The following CHRNA7 variants were observed in gnomAD, a reference collection of about 807,000 sequenced individuals.
The protein encoded by CHRNA7 is neuronal acetylcholine receptor subunit alpha-7.
A neutral mutation model predicts 48.0 loss-of-function variants in CHRNA7; 17 were observed. The observed-to-expected ratio is 0.35, with a 90% CI of 0.24 to 0.53. The LOEUF is 0.53. Among genes scored for constraint, CHRNA7 ranks in the 20% least tolerant of loss-of-function variants. The pLI, the probability that CHRNA7 is intolerant of heterozygous loss-of-function variation, is 0.92. For missense variants in CHRNA7, 155 were observed against 577.7 expected (o/e 0.27, Z 7.50); for synonymous variants, 75 against 242.3 (o/e 0.31, Z 6.41).
intron 2 of CHRNA7, among the ~76,000 whole-genome samples, chr15:32,074,637 A>ATATTAATATTAT (rs2050107861): frequency 7.1e-6 from 1 of 141,770 alleles, no homozygotes; most frequent in African/African-American, 2.6e-5. Flanking sequence ...CACATTATTA[A>ATATTAATATTAT]TATTATTATT....
chr15:32,094,516 A>G (rs2050434261), intron 2 of CHRNA7, among the ~76,000 whole-genome samples: 1 of 152,194 alleles, frequency 6.6e-6, no homozygotes, highest in Non-Finnish European at 1.5e-5. Context: ...GCCACCCCTA[A>G]AAATAGGCAG....
chr15:32,082,318 C>T (rs1382890493), intron 2 of CHRNA7, among the ~76,000 whole-genome samples: 1 of 143,728 alleles, frequency 7.0e-6, no homozygotes, highest in African/African-American at 2.5e-5. Context: ...TTATCTAGGA[C>T]TCCAATTATA....
intron 4 of CHRNA7, among the ~76,000 whole-genome samples, chr15:32,131,045 G>T (rs926698279): frequency 1.3e-5 from 2 of 151,886 alleles, no homozygotes; most frequent in African/African-American, 4.8e-5. Flanking sequence ...TAAATTTGTT[G>T]TTGTTGTTTA....
intron 2 of CHRNA7, among the ~76,000 whole-genome samples, chr15:32,074,900 C>T (rs944281068): frequency 6.6e-6 from 1 of 152,082 alleles, no homozygotes. Context: ...CCACCCACCT[C>T]GGCCTCCCAA....
intron 2 of CHRNA7, among the ~76,000 whole-genome samples, chr15:32,042,763 A>G (rs969858553): frequency 6.6e-6 from 1 of 152,202 alleles, no homozygotes; most frequent in African/African-American, 2.4e-5. Context: ...TTGGGCTCCA[A>G]GAAGAGCTGT....
At chr15:32,100,576 T>G (rs1472399103) in intron 2 of CHRNA7, 1 of 154,632 alleles carries the variant, frequency 6.5e-6, no homozygotes, top group African/African-American at 2.4e-5. Flanking sequence ...TAGGCTTAGC[T>G]GGAGGCAGAA....
intron 4 of CHRNA7, among the ~76,000 whole-genome samples, chr15:32,130,219 TC>T (rs1214628334): frequency 1.3e-5 from 2 of 152,016 alleles, no homozygotes; most frequent in African/African-American, 2.4e-5. Context: ...TTCTTTTATA[TC>T]CTTGCTGATT....
chr15:32,095,167 G>GCAGCT (rs1444636781), intron 2 of CHRNA7, among the ~76,000 whole-genome samples: 3 of 152,194 alleles, frequency 2.0e-5, no homozygotes, highest in African/African-American at 7.2e-5. Flanking sequence ...CAGACCCTGA[G>GCAGCT]CAATCCCAAA....
chr15:32,131,911 G>A (rs1212069078), intron 4 of CHRNA7, among the ~76,000 whole-genome samples: 2 of 152,140 alleles, frequency 1.3e-5, no homozygotes, highest in Non-Finnish European at 2.9e-5. Flanking sequence ...ACACCTGGGA[G>A]GGATGGGGAC....
intron 2 of CHRNA7, among the ~76,000 whole-genome samples, chr15:32,048,278 C>T (rs1046928582): frequency 9.9e-5 from 15 of 152,224 alleles, no homozygotes; most frequent in African/African-American, 2.6e-4. Context: ...TGGTAGAATT[C>T]GGCTGTGAAT....
intron 2 of CHRNA7, among the ~76,000 whole-genome samples, chr15:32,049,025 G>GTCTGAAAGACAGTTTGTTGTAATT (rs1457140245): frequency 9.8e-6 from 1 of 102,040 alleles, no homozygotes; most frequent in African/African-American, 5.5e-5. Flanking sequence ...TTGCACTGTG[G>GTCTGAAAGACAGTTTGTTGTAATT]TCTGTTCTTT....
At chr15:32,104,230 A>G (rs2050622555) in intron 3 of CHRNA7, among the ~76,000 whole-genome samples, 1 of 150,136 alleles carries the variant, frequency 6.7e-6, no homozygotes, top group Non-Finnish European at 1.5e-5. Flanking sequence ...GGCTGCACTC[A>G]CTGTCCACTT....
At position 32,043,613 on chromosome 15, in the gene CHRNA7, A is replaced by G. The variant is rs1191710967; in HGVS notation, c.195+12576A>G. Among the ~76,000 whole-genome samples the G allele has an allele frequency of 4.6e-5, 7 of 152,172 alleles. No homozygotes were observed. In the East Asian group the frequency reaches 1.2e-3, roughly 25 times the overall value. ...GTGAAAGTCGTCAACCTTTCTGTACAATGTGAGGACTTTACAACACTTTAA... is the reference window on the plus strand; with the variant it reads ...GTGAAAGTCGTCAACCTTTCTGTACGATGTGAGGACTTTACAACACTTTAA... On this transcript the variant is annotated intron_variant, in intron 2 of 9. Transcript: ENST00000306901.
intron 2 of CHRNA7, chr15:32,100,147 C>G (rs1410712150): frequency 6.6e-6 from 1 of 151,986 alleles, no homozygotes; most frequent in African/African-American, 2.4e-5. Context: ...TGCATCCCTG[C>G]TCACTGACAT....
At chr15:32,136,747 A>T (rs2051265616) in intron 4 of CHRNA7, among the ~76,000 whole-genome samples, 1 of 147,910 alleles carries the variant, frequency 6.8e-6, no homozygotes, top group Non-Finnish European at 1.5e-5. Context: ...AGAAAACAGG[A>T]GAAGGCCGGC....
chr15:32,110,720 A>G (rs11858834), intron 3 of CHRNA7, among the ~76,000 whole-genome samples: 27,775 of 152,196 alleles, frequency 0.18, 2,707 homozygotes, highest in Middle Eastern at 0.25. Flanking sequence ...CTTTGCGTCA[A>G]ATTATTTTGG....
In CHRNA7 at chr15:32,035,792, C is replaced by A. The variant is rs147462100; in HGVS notation, c.195+4755C>A. ...TCTTTATCATTTAAAAAAATCTTTA[C>A]TTTTTTGAGCAGTTTTAGCTTCACA... On this transcript the variant is annotated intron_variant, in intron 2 of 9. Transcript: ENST00000306901. Among the ~76,000 whole-genome samples, 689 of 152,170 alleles carry A rather than the reference C, an allele frequency of 4.5e-3. 9 individuals carry two copies. Among genetic ancestry groups the A allele is most frequent in the African/African-American group, 0.016 (664 of 41,526 alleles).
Position 32,127,136 on chromosome 15 carries a change from T to C in CHRNA7, c.350+15237T>C, listed in dbSNP as rs887231318. The stretch of plus-strand genomic sequence containing the variant: ...CAAGAATATTTTATGTGTAGACTAA[T>C]ATAGTTTGTAACCTTTTGAGGGTGG... On this transcript the variant is annotated intron_variant, in intron 4 of 9. Transcript: ENST00000306901. Among the ~76,000 whole-genome samples the C allele has an allele frequency of 2.6e-5, 4 of 152,164 alleles. No individual in the cohort carries two copies. The East Asian group carries it at 7.7e-4, about 29-fold the overall frequency.
chr15:32,043,495 C>T (rs2049483926), intron 2 of CHRNA7, among the ~76,000 whole-genome samples: 1 of 151,610 alleles, frequency 6.6e-6, no homozygotes, highest in African/African-American at 2.4e-5. Context: ...CTAATTTTCT[C>T]TTCTATTAGT....
Sources: allele counts gnomAD v4.1 joint callset (sites outside exome capture counted in the v4.1 genomes callset), GRCh38; gene constraint gnomAD v4.1.1; transcripts MANE v1.5; gene names NCBI Gene and HGNC (gene_info 2026-07-23, HGNC 2026-07-21).